Variants in ZNF506 observed in about 807,000 individuals in gnomAD.
The protein encoded by ZNF506 is zinc finger protein 506.
In ZNF506, 10 loss-of-function variants were observed where a neutral mutation model predicts 11.6. The ratio of observed to expected loss-of-function variants is 0.86; its 90% confidence interval spans 0.53 to 1.46. ZNF506 has a LOEUF of 1.46. ZNF506 is among the 40% of genes most tolerant of loss of function. The pLI, the probability that ZNF506 is intolerant of heterozygous loss-of-function variation, is 0.00. For missense variants in ZNF506, 425 were observed against 521.2 expected, an observed-to-expected ratio of 0.82 and a Z score of 1.80; for synonymous variants, 156 against 173.3, an observed-to-expected ratio of 0.90 and a Z score of 0.78.
At position 19,794,478 on chromosome 19, in the gene ZNF506, T is replaced by C; in HGVS notation, c.*74A>G. On this transcript the variant is annotated 3_prime_UTR_variant, in exon 4 of 4. Coordinates refer to ENST00000540806, the MANE Select transcript of ZNF506 (RefSeq NM_001099269.3). The stretch of plus-strand genomic sequence containing the variant: ...TTTATGTTCCATATAAATTCTCATA[T>C]TTAGTCAGAGTCCAGGGCTAGTTAA... The C allele has an allele frequency of 1.4e-6, 2 of 1,391,006 alleles. No individual in the cohort carries two copies. The highest frequency in any genetic ancestry group is 2.0e-6 in the Non-Finnish European group (2 of 1,021,724). 86.2% of individuals were successfully genotyped at this position (1,391,006 alleles called of 1,614,324 possible).
chr19:19,814,897 T>C (rs1453668637), intron 1 of ZNF506, among the ~76,000 whole-genome samples: 2 of 152,042 alleles, frequency 1.3e-5, no homozygotes, highest in African/African-American at 4.8e-5. Flanking sequence ...TCAGTGTCTG[T>C]GAGTGGGAAT....
intron 1 of ZNF506, among the ~76,000 whole-genome samples, chr19:19,814,425 T>TAATAAC (rs1320271276): frequency 1.3e-5 from 2 of 150,256 alleles, no homozygotes; most frequent in Non-Finnish European, 3.0e-5. Flanking sequence ...ATAATAATAA[T>TAATAAC]AATAATAATA....
At position 19,806,026 on chromosome 19, in the gene ZNF506, C is replaced by T. The variant is rs767268120; in HGVS notation, c.226+5G>A. On this transcript the variant is annotated splice_donor_5th_base_variant and intron_variant, in intron 3 of 3. Coordinates refer to ENST00000540806, the MANE Select transcript of ZNF506 (RefSeq NM_001099269.3). ...TCTGTCCTATTCATTTTCACTCGCA[C>T]CTACCTGGGGGTTTGGCAATCATCT... 3.5e-5 allele frequency: 56 copies of T among 1,602,928 alleles called. No homozygotes were observed. The highest frequency in any genetic ancestry group is 7.9e-5 in the South Asian group (7 of 89,024).
At chr19:19,802,734 T>C (rs895060047) in intron 3 of ZNF506, among the ~76,000 whole-genome samples, 2 of 152,210 alleles carry the variant, frequency 1.3e-5, no homozygotes, top group African/African-American at 2.4e-5. Context: ...TTTCTGAATC[T>C]AAAATTATGA....
At chr19:19,821,492 C>G in intron 1 of ZNF506, 109 bp downstream of exon 1, 1 of 1,422,782 alleles carries the variant, frequency 7.0e-7, no homozygotes, top group Non-Finnish European at 9.9e-7. Flanking sequence ...GATTGTGGAG[C>G]TGACTGCCGG....
intron 3 of ZNF506, among the ~76,000 whole-genome samples, chr19:19,801,918 GGCCA>G (rs10536495): frequency 0.46 from 69,984 of 150,938 alleles, 17,629 homozygotes; most frequent in East Asian, 0.7. Flanking sequence ...AACATTGTTA[GGCCA>G]GCCAGGCGCA....
At chr19:19,807,803 C>T (rs11878325) in intron 1 of ZNF506, among the ~76,000 whole-genome samples, 9,483 of 152,024 alleles carry the variant, frequency 0.062, 847 homozygotes, top group African/African-American at 0.2. Flanking sequence ...CCACCGCGCC[C>T]GGTCAATTTT....
intron 1 of ZNF506, chr19:19,820,275 C>G (rs2062958962): frequency 6.6e-6 from 1 of 152,154 alleles, no homozygotes; most frequent in Non-Finnish European, 1.5e-5. Flanking sequence ...AAACAAAACT[C>G]AAGTGTATTC....
intron 2 of ZNF506, 100 bp downstream of exon 2, chr19:19,806,840 ACT>A: frequency 1.5e-6 from 2 of 1,377,304 alleles, no homozygotes; most frequent in Admixed American, 2.5e-5. Context: ...GAGATCTGAA[ACT>A]CTTGTATGCA....
chr19:19,803,866 T>TA (rs1428523897), intron 3 of ZNF506, among the ~76,000 whole-genome samples: 1 of 152,164 alleles, frequency 6.6e-6, no homozygotes, highest in African/African-American at 2.4e-5. Flanking sequence ...GAAATAAATA[T>TA]ATAAATCCAT....
In ZNF506 at chr19:19,794,954, T is replaced by C. The variant is rs780133699; in HGVS notation, c.933A>G (p.Lys311=). 1 of 1,613,816 alleles carries C rather than the reference T, an allele frequency of 6.2e-7. No homozygotes were observed. Among genetic ancestry groups the C allele is most frequent in the Non-Finnish European group, 8.5e-7 (1 of 1,180,000 alleles). ...TKHEIIHTGE[K]PYKCEECGKA... Reference sequence around the variant, plus strand: ...TGCCACATTCCTCACATTTGTAGGGTTTCTCTCCAGTATGAATTATCTCAT... The same window carrying C: ...TGCCACATTCCTCACATTTGTAGGGCTTCTCTCCAGTATGAATTATCTCAT... Residue 311 remains lysine (K), a synonymous_variant, in exon 4 of 4, where the codon AAA becomes AAG. Coordinates refer to ENST00000540806, the MANE Select transcript of ZNF506 (RefSeq NM_001099269.3).
intron 3 of ZNF506, among the ~76,000 whole-genome samples, chr19:19,804,666 A>T (rs1248468886): frequency 6.6e-6 from 1 of 152,220 alleles, no homozygotes; most frequent in Non-Finnish European, 1.5e-5. Flanking sequence ...CACAATAGCA[A>T]AGACTTGGAA....
chr19:19,808,116 T>TA (rs1434482260), intron 1 of ZNF506, among the ~76,000 whole-genome samples: 2 of 67,424 alleles, frequency 3.0e-5, no homozygotes, highest in African/African-American at 1.2e-4. Context: ...CACTTTTTTT[T>TA]TTTTTTTTTT....
At chr19:19,820,479 A>C (rs1300841186) in intron 1 of ZNF506, 2 of 152,196 alleles carry the variant, frequency 1.3e-5, no homozygotes, top group East Asian at 1.9e-4. Flanking sequence ...GTGGATCACA[A>C]GGTCAGGAGA....
At chr19:19,801,085 G>A (rs571372548) in intron 3 of ZNF506, among the ~76,000 whole-genome samples, 1 of 151,870 alleles carries the variant, frequency 6.6e-6, no homozygotes, top group Non-Finnish European at 1.5e-5. Flanking sequence ...ACTTGAACCC[G>A]GAAGGTGGAG....
chr19:19,821,728 C>T lies in ZNF506; in HGVS notation c.-125G>A, dbSNP rs1213964075. On this transcript the variant is annotated 5_prime_UTR_variant, in exon 1 of 4. Transcript: ENST00000540806. ...AGAGCAGTGAAGACGATAGCTGGAT[C>T]TCTGGCGTCAGCGAGAGACAATGGG... The T allele has an allele frequency of 1.5e-5, 19 of 1,293,260 alleles. No homozygotes were observed. Among genetic ancestry groups the T allele is most frequent in the Non-Finnish European group, 2.1e-5 (19 of 896,618 alleles). The allele number at this position is 1,293,260 out of a possible 1,614,324, so 80.1% of individuals were successfully genotyped here.
chr19:19,818,725 G>A (rs1313438439), intron 1 of ZNF506, among the ~76,000 whole-genome samples: 1 of 152,170 alleles, frequency 6.6e-6, no homozygotes, highest in Non-Finnish European at 1.5e-5. Flanking sequence ...TGATGCAGCT[G>A]AGTGCAGTGG....
intron 3 of ZNF506, among the ~76,000 whole-genome samples, chr19:19,800,741 T>C (rs1190336483): frequency 6.6e-6 from 1 of 152,074 alleles, no homozygotes; most frequent in Admixed American, 6.6e-5. Flanking sequence ...TAAATTTTCT[T>C]ATGTGTTTTT....
At chr19:19,797,727 G>T (rs1599508193) in intron 3 of ZNF506, 1 of 152,050 alleles carries the variant, frequency 6.6e-6, no homozygotes, top group South Asian at 2.1e-4. Flanking sequence ...TCACAGATAA[G>T]AAGAGAATTT....
Sources: allele counts gnomAD v4.1 joint callset (sites outside exome capture counted in the v4.1 genomes callset), GRCh38; gene constraint gnomAD v4.1.1; transcripts MANE v1.5; gene names NCBI Gene and HGNC (gene_info 2026-07-23, HGNC 2026-07-21).